The following MACROD2 variants were observed in gnomAD, a reference collection of about 807,000 sequenced individuals.
MACROD2 encodes ADP-ribose glycohydrolase MACROD2.
Under a neutral mutation model 70.4 loss-of-function variants are expected in MACROD2, and 36 were observed. That is an observed-to-expected ratio of 0.51 (90% CI 0.39 to 0.68). The LOEUF (loss-of-function observed/expected upper bound fraction) is 0.68. Ranked by LOEUF, MACROD2 falls within the 30% of genes least tolerant of loss-of-function variation. MACROD2 has a pLI of 0.00. For synonymous variants in MACROD2, 172 were observed against 178.8 expected (o/e 0.96, Z 0.30); for missense variants, 496 against 538.4 (o/e 0.92, Z 0.78).
At chr20:15,448,711 A>G (rs1301293506) in intron 7 of MACROD2, among the ~76,000 whole-genome samples, 1 of 152,210 alleles carries the variant, frequency 6.6e-6, no homozygotes, top group Non-Finnish European at 1.5e-5. Context: ...AATATGAATT[A>G]TAAGTTTCAA....
chr20:15,852,346 A>G (rs981519683), intron 8 of MACROD2, among the ~76,000 whole-genome samples: 1 of 152,222 alleles, frequency 6.6e-6, no homozygotes, highest in African/African-American at 2.4e-5. Flanking sequence ...GTAATGACAG[A>G]TATACTGGCT....
chr20:15,828,814 G>C (rs2064024630), intron 8 of MACROD2, among the ~76,000 whole-genome samples: 1 of 152,148 alleles, frequency 6.6e-6, no homozygotes, highest in Non-Finnish European at 1.5e-5. Flanking sequence ...CATTTAGTAG[G>C]CACTTAAATA....
intron 4 of MACROD2, among the ~76,000 whole-genome samples, chr20:14,586,769 C>A (rs1264723837): frequency 6.6e-6 from 1 of 151,954 alleles, no homozygotes; most frequent in Non-Finnish European, 1.5e-5. Context: ...TCTAGAATCT[C>A]ACATATATTG....
At chr20:15,199,278 G>C (rs2076634688) in intron 5 of MACROD2, among the ~76,000 whole-genome samples, 1 of 152,068 alleles carries the variant, frequency 6.6e-6, no homozygotes. Flanking sequence ...ATCACTCTGA[G>C]CCTGGGAGGT....
At position 14,125,469 on chromosome 20, in the gene MACROD2, C is replaced by CT. The variant is rs367611508; in HGVS notation, c.271+39748dup. Among the ~76,000 whole-genome samples the CT allele has an allele frequency of 3.9e-3, 592 of 152,054 alleles. 7 individuals carry two copies. The highest frequency in any genetic ancestry group is 0.013 in the African/African-American group (560 of 41,504). On this transcript the variant is annotated intron_variant, in intron 3 of 17. Transcript: ENST00000684519. ...AAGATCAGTTTTAAAATTCATAATG[C>CT]TTTTTTTCTAAAACAAAGTGTTCAG...
intron 8 of MACROD2, among the ~76,000 whole-genome samples, chr20:15,848,889 G>A (rs2064264989): frequency 6.6e-6 from 1 of 152,098 alleles, no homozygotes; most frequent in East Asian, 1.9e-4. Flanking sequence ...CTGATTACAA[G>A]CTGGAAAGAT....
At chr20:15,131,939 G>A (rs559698291) in intron 5 of MACROD2, among the ~76,000 whole-genome samples, 4 of 151,850 alleles carry the variant, frequency 2.6e-5, no homozygotes, top group Non-Finnish European at 5.9e-5. Context: ...CATATATTGA[G>A]TTACTACATG....
chr20:14,747,071 C>T (rs886365720), intron 5 of MACROD2, among the ~76,000 whole-genome samples: 1 of 152,142 alleles, frequency 6.6e-6, no homozygotes, highest in Admixed American at 6.5e-5. Context: ...ATGTCCAGTC[C>T]TCATGCTGCT....
At chr20:14,521,917 A>G (rs1293031559) in intron 4 of MACROD2, among the ~76,000 whole-genome samples, 2 of 152,286 alleles carry the variant, frequency 1.3e-5, no homozygotes, top group East Asian at 3.9e-4. Flanking sequence ...TTGATGCTGT[A>G]TTTTGGATCA....
At chr20:15,698,894 A>G (rs2050414484) in intron 8 of MACROD2, among the ~76,000 whole-genome samples, 1 of 151,984 alleles carries the variant, frequency 6.6e-6, no homozygotes, top group African/African-American at 2.4e-5. Flanking sequence ...AGCATTTTGC[A>G]TTTCTAAAAG....
At chr20:14,457,177 G>C (rs1232316458) in intron 3 of MACROD2, among the ~76,000 whole-genome samples, 1 of 152,094 alleles carries the variant, frequency 6.6e-6, no homozygotes, top group Admixed American at 6.5e-5. Context: ...ATTCAGGGTA[G>C]TGTTGTGAAT....
rs560868002 is a variant in MACROD2 at position 14,721,090 on chromosome 20, A to G, written c.418+36131A>G. 2.0e-5 allele frequency among the ~76,000 whole-genome samples: 3 copies of G among 151,810 alleles called. No homozygotes were observed. In the South Asian group the frequency reaches 6.3e-4, roughly 32 times the overall value. On this transcript the variant is annotated intron_variant, in intron 5 of 17. Transcript: ENST00000684519. ...GGCAACACGATGAAACCCCGTCTCT[A>G]CTAAAATACAAAAAGTTAGCTAGGC...
intron 7 of MACROD2, among the ~76,000 whole-genome samples, chr20:15,445,644 A>C (rs992969585): frequency 1.3e-5 from 2 of 152,168 alleles, no homozygotes; most frequent in Admixed American, 6.5e-5. Context: ...AGAGGGAAAA[A>C]GTCCAATGCT....
intron 6 of MACROD2, among the ~76,000 whole-genome samples, chr20:15,363,352 T>C (rs2078374683): frequency 6.6e-6 from 1 of 152,160 alleles, no homozygotes; most frequent in Admixed American, 6.5e-5. Context: ...AGATGAACAA[T>C]GAGGGTGAAA....
intron 2 of MACROD2, among the ~76,000 whole-genome samples, chr20:14,016,983 G>A (rs911887471): frequency 3.3e-5 from 5 of 152,016 alleles, no homozygotes; most frequent in East Asian, 1.9e-4. Flanking sequence ...ATGAACATGC[G>A]ATGTCTTTCT....
At chr20:15,772,203 C>G (rs1460680998) in intron 8 of MACROD2, among the ~76,000 whole-genome samples, 1 of 149,698 alleles carries the variant, frequency 6.7e-6, no homozygotes. Context: ...GCTCTTTGGC[C>G]TAACCTTGTG....
At chr20:15,597,002 T>A (rs2146679770) in intron 8 of MACROD2, among the ~76,000 whole-genome samples, 1 of 152,330 alleles carries the variant, frequency 6.6e-6, no homozygotes, top group East Asian at 1.9e-4. Context: ...TACAAAACTT[T>A]TAAAAAGGAA....
intron 3 of MACROD2, among the ~76,000 whole-genome samples, chr20:14,350,193 C>T (rs971652601): frequency 2.6e-5 from 4 of 152,072 alleles, no homozygotes; most frequent in East Asian, 3.9e-4. Context: ...CAAACATGAG[C>T]GTGCAAATAT....
At chr20:15,874,250 C>CTT (rs751258380) in intron 9 of MACROD2, among the ~76,000 whole-genome samples, 3 of 151,820 alleles carry the variant, frequency 2.0e-5, no homozygotes, top group South Asian at 4.2e-4. Context: ...TGAACTCATC[C>CTT]TTTTTTTGGC....
Sources: gnomAD v4.1 joint callset for allele counts (sites outside exome capture counted in the v4.1 genomes callset) on GRCh38, gnomAD v4.1.1 for gene constraint, MANE v1.5 for transcripts, NCBI Gene and HGNC (gene_info 2026-07-23, HGNC 2026-07-21) for gene names.